Variants in SPATA13 observed in about 807,000 individuals in gnomAD.
The protein encoded by SPATA13 is spermatogenesis-associated protein 13.
Under a neutral mutation model 104.0 loss-of-function variants are expected in SPATA13, and 50 were observed. That is an observed-to-expected ratio of 0.48 (90% CI 0.38 to 0.61). SPATA13 has a LOEUF of 0.61. Ranked by LOEUF, SPATA13 falls within the 20% of genes least tolerant of loss-of-function variation. The pLI is 0.00. For synonymous variants in SPATA13, 606 were observed against 667.5 expected (o/e 0.91, Z 1.42); for missense variants, 1,524 against 1,690.6 (o/e 0.90, Z 1.73).
chr13:24,304,035 G>A lies in SPATA13; in HGVS notation c.*1262G>A, dbSNP rs1375381775. ...GAAGGCACTCTCAAAGAGCCGCACT[G>A]CTCCTGACATCGTCCTTAGCAATGA... On this transcript the variant is annotated 3_prime_UTR_variant, in exon 13 of 13. Transcript: ENST00000382108. 2 of 152,258 alleles carry A rather than the reference G, an allele frequency of 1.3e-5. No individual in the cohort carries two copies. Among genetic ancestry groups the A allele is most frequent in the East Asian group, 1.9e-4 (1 of 5,204 alleles). 9.4% of individuals were successfully genotyped at this position (152,258 alleles called of 1,614,324 possible). A position where few individuals can be genotyped will look rare whatever the true frequency, so the allele number is the denominator to read the frequency against.
intron 3 of SPATA13, chr13:24,123,192 G>A: frequency 1.4e-6 from 2 of 1,384,892 alleles, no homozygotes; most frequent in Non-Finnish European, 1.0e-6. Context: ...GATGAATGGT[G>A]TGATATATTC....
rs1043397044 is a variant in SPATA13, at chr13:24,290,787, A to G, written c.2983A>G (p.Ile995Val). 2 of 1,614,244 alleles carry G rather than the reference A, an allele frequency of 1.2e-6. No individual in the cohort carries two copies. The highest frequency in any genetic ancestry group is 1.7e-6 in the Non-Finnish European group (2 of 1,180,040). The change falls in exon 9 of 13, where the codon ATC (isoleucine) becomes GTC (valine). Residue 995 changes from isoleucine (I) to valine (V), a missense_variant. Ile to Val is a conservative substitution (Grantham distance 29, BLOSUM62 3). Transcript: ENST00000382108. The part of the protein sequence containing the change: ...ACRLLQQMID[I>V]AIDGFLLTPV... Reference sequence around the variant, plus strand: ...CCGCCTGCTGCAGCAGATGATTGACATCGCCATCGACGGGTTCCTGCTCAC... The same window carrying G: ...CCGCCTGCTGCAGCAGATGATTGACGTCGCCATCGACGGGTTCCTGCTCAC...
At chr13:24,081,286 G>T (rs1217891492) in intron 3 of SPATA13, among the ~76,000 whole-genome samples, 1 of 152,038 alleles carries the variant, frequency 6.6e-6, no homozygotes, top group Non-Finnish European at 1.5e-5. Flanking sequence ...ATCATACAAA[G>T]TTCACCGGTA....
chr13:24,220,015 T>C (rs529545853), intron 1 of SPATA13, among the ~76,000 whole-genome samples: 11 of 152,316 alleles, frequency 7.2e-5, no homozygotes, highest in Non-Finnish European at 1.5e-4. Flanking sequence ...CCAGTTGTAC[T>C]GTGTGTCGTT....
chr13:24,105,570 A>G (rs576048527), intron 3 of SPATA13, among the ~76,000 whole-genome samples: 1 of 152,258 alleles, frequency 6.6e-6, no homozygotes, highest in South Asian at 2.1e-4. Context: ...GAGTGGAAAA[A>G]GAAAAGGGTG....
intron 2 of SPATA13, among the ~76,000 whole-genome samples, chr13:24,005,583 ACTC>A (rs1876184645): frequency 6.8e-6 from 1 of 147,806 alleles, no homozygotes; most frequent in Non-Finnish European, 1.5e-5. Flanking sequence ...AAAGGGATGA[ACTC>A]CTGAATTTTA....
At chr13:24,060,772 G>A (rs1878744266) in intron 3 of SPATA13, among the ~76,000 whole-genome samples, 1 of 152,164 alleles carries the variant, frequency 6.6e-6, no homozygotes, top group Non-Finnish European at 1.5e-5. Flanking sequence ...ATTAAAAATG[G>A]ACAAATGCGG....
intron 1 of SPATA13, among the ~76,000 whole-genome samples, chr13:24,218,732 T>A (rs1187682920): frequency 2.6e-5 from 4 of 151,774 alleles, no homozygotes; most frequent in African/African-American, 9.7e-5. Context: ...GATTTTTTTT[T>A]TAATCTCATC....
At chr13:24,122,452 T>C (rs1010977268) in intron 3 of SPATA13, 1 of 1,605,530 alleles carries the variant, frequency 6.2e-7, no homozygotes, top group African/African-American at 1.3e-5. Context: ...GTCTCCATCT[T>C]CACCAGCCTG....
intron 3 of SPATA13, among the ~76,000 whole-genome samples, chr13:24,024,215 A>T (rs1166440177): frequency 6.6e-6 from 1 of 152,204 alleles, no homozygotes; most frequent in Admixed American, 6.5e-5. Context: ...CCCCATCCAC[A>T]TCCACAGTTT....
At chr13:24,150,170 A>G (rs1402104848) in intron 3 of SPATA13, among the ~76,000 whole-genome samples, 5 of 152,080 alleles carry the variant, frequency 3.3e-5, no homozygotes, top group African/African-American at 9.7e-5. Flanking sequence ...CTGTCCTGAG[A>G]CACATTGGCT....
Position 24,306,764 on chromosome 13 carries a change from T to G in SPATA13, c.*3991T>G, listed in dbSNP as rs1877602361. On this transcript the variant is annotated 3_prime_UTR_variant, in exon 13 of 13. Coordinates refer to ENST00000382108, the MANE Select transcript of SPATA13 (RefSeq NM_001166271.3). ...GAAAATACTTTTAATCTTTCTAATCTTTTTTTGTAAATATTAGTGTCCATT... is the reference window on the plus strand; with the variant it reads ...GAAAATACTTTTAATCTTTCTAATCGTTTTTTGTAAATATTAGTGTCCATT... 1.3e-5 allele frequency: 2 copies of G among 152,212 alleles called. No homozygotes were observed. Among genetic ancestry groups the G allele is most frequent in the African/African-American group, 4.8e-5 (2 of 41,444 alleles). 9.4% of individuals were successfully genotyped at this position (152,212 alleles called of 1,614,324 possible). A position where few individuals can be genotyped will look rare whatever the true frequency, so the allele number is the denominator to read the frequency against.
At chr13:24,121,965 C>T in intron 3 of SPATA13, 1 of 795,576 alleles carries the variant, frequency 1.3e-6, no homozygotes, top group South Asian at 1.5e-5. Context: ...ATCTATTCAT[C>T]ATTAGTTTAG....
At chr13:24,099,711 A>T (rs532251540) in intron 3 of SPATA13, among the ~76,000 whole-genome samples, 4 of 152,346 alleles carry the variant, frequency 2.6e-5, no homozygotes, top group African/African-American at 9.6e-5. Flanking sequence ...GCGCCATGTG[A>T]TCAGTGTCAT....
At chr13:24,073,181 G>C (rs566636442) in intron 3 of SPATA13, among the ~76,000 whole-genome samples, 16 of 152,254 alleles carry the variant, frequency 1.1e-4, no homozygotes, top group African/African-American at 3.9e-4. Flanking sequence ...AAGGCCAAGT[G>C]GGGGACTGTA....
chr13:24,182,198 A>G (rs1223830328), intron 1 of SPATA13, among the ~76,000 whole-genome samples: 1 of 152,216 alleles, frequency 6.6e-6, no homozygotes, highest in African/African-American at 2.4e-5. Context: ...GAGGCTTAGA[A>G]GCAGGAAAGG....
intron 1 of SPATA13, among the ~76,000 whole-genome samples, chr13:24,198,038 C>A (rs1401800163): frequency 1.3e-5 from 2 of 152,132 alleles, no homozygotes; most frequent in Non-Finnish European, 1.5e-5. Context: ...TTCTGTCGCC[C>A]AGGCTGGAGT....
intron 2 of SPATA13, among the ~76,000 whole-genome samples, chr13:24,013,934 T>A (rs1197417597): frequency 6.6e-6 from 1 of 152,178 alleles, no homozygotes; most frequent in Non-Finnish European, 1.5e-5. Flanking sequence ...CTGCAGAGCC[T>A]GTTTTAAGCT....
chr13:24,159,604 A>C (rs530635630), upstream of SPATA13, among the ~76,000 whole-genome samples: 1 of 152,310 alleles, frequency 6.6e-6, no homozygotes, highest in Non-Finnish European at 1.5e-5. Flanking sequence ...AACTAAGTCC[A>C]TTACTTACAG....
Sources: allele counts gnomAD v4.1 joint callset (sites outside exome capture counted in the v4.1 genomes callset), GRCh38; gene constraint gnomAD v4.1.1; transcripts MANE v1.5; gene names NCBI Gene and HGNC (gene_info 2026-07-23, HGNC 2026-07-21).